The following CNTN5 variants were observed in gnomAD, a reference collection of about 807,000 sequenced individuals.
CNTN5 encodes the protein contactin-5.
Under a neutral mutation model 129.1 loss-of-function variants are expected in CNTN5, and 77 were observed. The ratio of observed to expected loss-of-function variants is 0.60; its 90% CI spans 0.50 to 0.72. The LOEUF is 0.72. Among genes scored for constraint, CNTN5 ranks in the 30% least tolerant of loss-of-function variants. The pLI is 0.00. For missense variants in CNTN5, 1,478 were observed against 1,328.8 expected (o/e 1.11, Z -1.75); for synonymous variants, 509 against 465.6 (o/e 1.09, Z -1.20).
chr11:99,783,997 T>G (rs1362398161), intron 3 of CNTN5, among the ~76,000 whole-genome samples: 2 of 152,058 alleles, frequency 1.3e-5, no homozygotes, highest in Non-Finnish European at 2.9e-5. Flanking sequence ...AATACCTAGC[T>G]GTTTTTGTGT....
At chr11:100,161,201 G>T (rs1947433860) in intron 13 of CNTN5, among the ~76,000 whole-genome samples, 1 of 151,658 alleles carries the variant, frequency 6.6e-6, no homozygotes, top group Non-Finnish European at 1.5e-5. Flanking sequence ...TCATGATTGG[G>T]CTGTGACTCT....
intron 2 of CNTN5, among the ~76,000 whole-genome samples, chr11:99,390,109 T>A (rs1941178366): frequency 6.8e-6 from 1 of 147,094 alleles, no homozygotes; most frequent in Non-Finnish European, 1.5e-5. Context: ...ATTCTTGTTC[T>A]CAAATAAAAA....
intron 9 of CNTN5, among the ~76,000 whole-genome samples, chr11:100,023,597 C>A (rs1245211595): frequency 6.6e-6 from 1 of 152,176 alleles, no homozygotes; most frequent in Non-Finnish European, 1.5e-5. Flanking sequence ...CAACATATAT[C>A]TACCATTACA....
intron 3 of CNTN5, among the ~76,000 whole-genome samples, chr11:99,791,462 G>A (rs1387771475): frequency 2.0e-5 from 3 of 152,010 alleles, no homozygotes; most frequent in Non-Finnish European, 4.4e-5. Context: ...CAGGTGCATG[G>A]CATTATTTTT....
intron 6 of CNTN5, among the ~76,000 whole-genome samples, chr11:99,862,400 T>A (rs914709351): frequency 7.9e-5 from 12 of 152,130 alleles, no homozygotes; most frequent in Non-Finnish European, 1.3e-4. Flanking sequence ...TGGAGACAAA[T>A]TACCATCTTC....
intron 1 of CNTN5, among the ~76,000 whole-genome samples, chr11:99,092,107 TGTTTA>T (rs1172176792): frequency 6.6e-6 from 1 of 152,162 alleles, no homozygotes; most frequent in Non-Finnish European, 1.5e-5. Flanking sequence ...TGTTTTTTGT[TGTTTA>T]GTTTATTGTT....
intron 16 of CNTN5, among the ~76,000 whole-genome samples, chr11:100,237,548 G>A (rs972187442): frequency 6.6e-6 from 1 of 152,038 alleles, no homozygotes. Context: ...CCAAACACCT[G>A]GCAAAGGTAA....
chr11:100,040,903 T>C lies in CNTN5; in HGVS notation c.981-20309T>C, dbSNP rs192251276. Among the ~76,000 whole-genome samples, 155 of 152,296 alleles carry C rather than the reference T, an allele frequency of 1.0e-3. 1 individual carries two copies. The highest frequency in any genetic ancestry group is 1.9e-3 in the Non-Finnish European group (126 of 68,016). On this transcript the variant is annotated intron_variant, in intron 9 of 24. Transcript: ENST00000524871. ...CCCTTTCTTTGACTAGGAAAGGGAA[T>C]TCCCTGACCCCTTGTGCTTCCCGAG... is the stretch of plus-strand genomic sequence containing the variant.
intron 1 of CNTN5, among the ~76,000 whole-genome samples, chr11:99,146,161 C>A (rs1037851095): frequency 7.2e-5 from 11 of 151,992 alleles, no homozygotes; most frequent in African/African-American, 2.7e-4. Context: ...TTTATGTAAT[C>A]TATATACTAT....
intron 2 of CNTN5, among the ~76,000 whole-genome samples, chr11:99,419,718 G>T (rs1313113656): frequency 6.6e-6 from 1 of 152,130 alleles, no homozygotes; most frequent in African/African-American, 2.4e-5. Context: ...TGTGGCTGGA[G>T]AAAGTTATGT....
intron 9 of CNTN5, among the ~76,000 whole-genome samples, chr11:100,016,927 A>G (rs1940853230): frequency 6.6e-6 from 1 of 151,552 alleles, no homozygotes; most frequent in Non-Finnish European, 1.5e-5. Flanking sequence ...AAAGCTTTAT[A>G]AGGATGATTT....
chr11:99,245,520 C>T (rs529017332), intron 1 of CNTN5, among the ~76,000 whole-genome samples: 2 of 151,968 alleles, frequency 1.3e-5, no homozygotes, highest in Admixed American at 6.6e-5. Context: ...GGGGTTTCAC[C>T]ATGTTGGCCA....
At chr11:99,072,911 T>C (rs1351008779) in intron 1 of CNTN5, among the ~76,000 whole-genome samples, 3 of 152,260 alleles carry the variant, frequency 2.0e-5, no homozygotes, top group South Asian at 2.1e-4. Context: ...CTAAAAATGA[T>C]CACCATTTGA....
At chr11:100,280,843 G>A (rs1565395348) in intron 18 of CNTN5, among the ~76,000 whole-genome samples, 1 of 151,922 alleles carries the variant, frequency 6.6e-6, no homozygotes, top group Non-Finnish European at 1.5e-5. Flanking sequence ...TGTATCCCTT[G>A]TAAGTTTTTT....
chr11:99,938,375 T>G (rs1483941707), intron 7 of CNTN5, among the ~76,000 whole-genome samples: 1 of 152,182 alleles, frequency 6.6e-6, no homozygotes, highest in African/African-American at 2.4e-5. Context: ...GCAAAATATC[T>G]GACACATAGT....
chr11:100,071,180 A>C (rs1943907753), intron 11 of CNTN5, among the ~76,000 whole-genome samples: 1 of 152,124 alleles, frequency 6.6e-6, no homozygotes, highest in Admixed American at 6.6e-5. Flanking sequence ...AATTTTATCT[A>C]GAATCGAGTC....
intron 3 of CNTN5, among the ~76,000 whole-genome samples, chr11:99,749,412 T>C (rs1164509242): frequency 6.6e-6 from 1 of 152,248 alleles, no homozygotes; most frequent in Admixed American, 6.5e-5. Flanking sequence ...AGTTAGTTAC[T>C]ATATGAAAAA....
At chr11:100,044,064 C>T (rs1942521640) in intron 9 of CNTN5, among the ~76,000 whole-genome samples, 1 of 145,664 alleles carries the variant, frequency 6.9e-6, no homozygotes, top group African/African-American at 2.6e-5. Context: ...CCACTCTTCC[C>T]AGTCTCTGGT....
At chr11:99,963,190 T>C (rs1035934868) in intron 8 of CNTN5, among the ~76,000 whole-genome samples, 2 of 152,330 alleles carry the variant, frequency 1.3e-5, no homozygotes, top group Non-Finnish European at 1.5e-5. Flanking sequence ...ATTTTGGCTT[T>C]TGTTGCCATT....
Sources: gnomAD v4.1 joint callset for allele counts (sites outside exome capture counted in the v4.1 genomes callset) on GRCh38, gnomAD v4.1.1 for gene constraint, MANE v1.5 for transcripts, NCBI Gene and HGNC (gene_info 2026-07-23, HGNC 2026-07-21) for gene names.